HLA-DRB1: variants seen among roughly 807,000 people sequenced by gnomAD.
HLA-DRB1 encodes major histocompatibility complex, class II, DR beta 1 precursor.
In HLA-DRB1, 10 loss-of-function variants were observed where a neutral mutation model predicts 27.9. The observed-to-expected ratio is 0.36, with a 90% CI of 0.22 to 0.61. The LOEUF (loss-of-function observed/expected upper bound fraction) is 0.61, where lower values mean the gene tolerates loss of function less well. Ranked by LOEUF, HLA-DRB1 falls within the 20% of genes least tolerant of loss-of-function variation. The pLI, the probability that HLA-DRB1 is intolerant of heterozygous loss-of-function variation, is 0.73. For synonymous variants in HLA-DRB1, 57 were observed against 126.7 expected, an observed-to-expected ratio of 0.45 and a Z score of 3.69; for missense variants, 118 against 306.3, an observed-to-expected ratio of 0.39 and a Z score of 4.59.
chr6:32,582,849 ACT>A (rs772172351), intron 2 of HLA-DRB1, among the ~76,000 whole-genome samples: 294 of 67,596 alleles, frequency 4.3e-3, no homozygotes, highest in Middle Eastern at 7.2e-3. Context: ...ACACTAGCAT[ACT>A]CTCAATAAAT....
chr6:32,589,456 T>C (rs1331051675), intron 1 of HLA-DRB1, among the ~76,000 whole-genome samples, 187 bp downstream of exon 1: 16,331 of 87,072 alleles, frequency 0.19, 1,551 homozygotes, highest in East Asian at 0.26. Flanking sequence ...CTTACACAAG[T>C]CTCATGAAGA....
At chr6:32,581,309 C>T (rs34693420) in intron 3 of HLA-DRB1, among the ~76,000 whole-genome samples, 1,367 of 87,934 alleles carry the variant, frequency 0.016, no homozygotes, top group Middle Eastern at 0.034. Flanking sequence ...TGACCCTGAC[C>T]TGCAAAATCA....
At position 32,580,626 on chromosome 6, in the gene HLA-DRB1, G is replaced by A. The variant is rs28732275; in HGVS notation, c.763+120C>T. ...TCTGGATTAGCAGGACATTAGAGCC[G>A]TTTGGGGAAAGAAAGGCTTTATTCA... On this transcript the variant is annotated intron_variant, in intron 4 of 5. Coordinates refer to ENST00000360004, the Ensembl canonical transcript of HLA-DRB1. 4,692 of 721,690 alleles carry A rather than the reference G, an allele frequency of 6.5e-3. 87 individuals carry two copies. The highest frequency in any genetic ancestry group is 0.024 in the South Asian group (1,379 of 56,720). 44.7% of individuals were successfully genotyped at this position (721,690 alleles called of 1,614,324 possible). A position where few individuals can be genotyped will look rare whatever the true frequency, so the allele number is the denominator to read the frequency against.
intron 3 of HLA-DRB1, among the ~76,000 whole-genome samples, chr6:32,581,336 A>ACTGATTCCACAGG (rs1775446331): frequency 2.2e-5 from 2 of 92,950 alleles, no homozygotes; most frequent in Non-Finnish European, 4.3e-5. Context: ...GGTTCAAAAG[A>ACTGATTCCACAGG]GGGACAGTCT....
intron 1 of HLA-DRB1, among the ~76,000 whole-genome samples, chr6:32,585,555 G>A (rs9270030): frequency 2.4e-4 from 31 of 128,880 alleles, no homozygotes; most frequent in African/African-American, 6.2e-4. Context: ...TCCTATAACT[G>A]CAGCTCATAT....
chr6:32,584,353 C>CGTAGAGTA lies in HLA-DRB1; in HGVS notation c.125_126insTACTCTAC (p.Arg42SerfsTer41), dbSNP rs768015363. On this transcript the variant is annotated frameshift_variant, in exon 2 of 6. Transcript: ENST00000360004. LOFTEE classifies it high-confidence loss of function. ...CCGTCCCATTGAAGAAATGACACTC[C>CGTAGAGTA]CTCTTAGGCTGCCACAGGAAACGTG... 1.7e-4 allele frequency: 146 copies of CGTAGAGTA among 838,114 alleles called. 12 individuals carry two copies. Among genetic ancestry groups the CGTAGAGTA allele is most frequent in the Non-Finnish European group, 2.3e-4 (124 of 545,876 alleles). 51.9% of individuals were successfully genotyped at this position (838,114 alleles called of 1,614,324 possible).
At position 32,589,826 on chromosome 6, in the gene HLA-DRB1, C is replaced by T. The variant is rs1404458062; in HGVS notation, c.-84G>A. ...ACTATGAACCCCTCCACCCACATTC[C>T]AAGTTATAGGGAGGAAGTTACTGAT... is the stretch of plus-strand genomic sequence containing the variant. On this transcript the variant is annotated 5_prime_UTR_variant, in exon 1 of 6. Coordinates refer to ENST00000360004, the Ensembl canonical transcript of HLA-DRB1. The T allele has an allele frequency of 4.4e-5, 21 of 475,714 alleles. 4 individuals carry two copies. The highest frequency in any genetic ancestry group is 9.1e-5 in the Admixed American group (2 of 22,062). 29.5% of individuals were successfully genotyped at this position (475,714 alleles called of 1,614,324 possible).
At chr6:32,587,984 C>T (rs9270177) in intron 1 of HLA-DRB1, among the ~76,000 whole-genome samples, 5,469 of 123,454 alleles carry the variant, frequency 0.044, 67 homozygotes, top group East Asian at 0.095. Context: ...TGTAGGGATC[C>T]TGGAAAGCAA....
chr6:32,584,963 G>A (rs9270000), intron 1 of HLA-DRB1, among the ~76,000 whole-genome samples: 21,148 of 55,542 alleles, frequency 0.38, 8,700 homozygotes, highest in Admixed American at 0.43. Context: ...GCGTTCTAGA[G>A]CAGAGAATAA....
intron 2 of HLA-DRB1, among the ~76,000 whole-genome samples, chr6:32,582,275 A>G (rs1035532348): frequency 0.17 from 16,686 of 98,336 alleles, no homozygotes; most frequent in East Asian, 0.23. Flanking sequence ...TTGGGGTTAT[A>G]TGAGGATTAA....
chr6:32,587,923 G>A (rs35157992), intron 1 of HLA-DRB1, among the ~76,000 whole-genome samples: 14,674 of 141,344 alleles, frequency 0.1, 10 homozygotes, highest in Admixed American at 0.17. Context: ...TAGCTGCTGA[G>A]AAAAATAAGT....
At position 32,584,608 on chromosome 6, in the gene HLA-DRB1, C is replaced by T. The variant is rs1776115623; in HGVS notation, c.101-230G>A. ...CCTTCTCATCCCCAGGCTTTTGGGACCCCCTCCCTGCCTCCAGCCTGTTCT... is the reference window on the plus strand; with the variant it reads ...CCTTCTCATCCCCAGGCTTTTGGGATCCCCTCCCTGCCTCCAGCCTGTTCT... On this transcript the variant is annotated intron_variant, in intron 1 of 5. Coordinates refer to ENST00000360004, the Ensembl canonical transcript of HLA-DRB1. 9.5e-5 allele frequency among the ~76,000 whole-genome samples: 7 copies of T among 73,626 alleles called. No homozygotes were observed. In the Admixed American group the frequency reaches 9.7e-4, roughly 10 times the overall value. The allele number at this position is 73,626 out of a possible 152,430, so 48.3% of individuals were successfully genotyped here.
At chr6:32,579,055 G>A (rs36217728) in exon 6 of HLA-DRB1, 167,950 of 644,040 alleles carry the variant, frequency 0.26, 61,691 homozygotes, top group Admixed American at 0.31. Flanking sequence ...CAAAGCCGGG[G>A]CAGAAAGTTC....
At chr6:32,588,923 A>G (rs35572663) in intron 1 of HLA-DRB1, among the ~76,000 whole-genome samples, 14,617 of 99,552 alleles carry the variant, frequency 0.15, 1,590 homozygotes, top group East Asian at 0.21. Context: ...AACCTGGGCT[A>G]GTTTTTCAGA....
exon 2 of HLA-DRB1, chr6:32,584,162 G>C: frequency 1.7e-6 from 2 of 1,152,388 alleles, no homozygotes; most frequent in Non-Finnish European, 1.2e-6. Context: ...TCTGCAGTAG[G>C]TGTCCACCGC....
In HLA-DRB1 at chr6:32,579,286, A is replaced by G. The variant is rs71540434; in HGVS notation, c.788-182T>C. Among the ~76,000 whole-genome samples the G allele has an allele frequency of 7.9e-3, 592 of 74,754 alleles. 28 individuals are homozygous for G. The highest frequency in any genetic ancestry group is 0.024 in the South Asian group (54 of 2,240). 49.0% of individuals were successfully genotyped at this position (74,754 alleles called of 152,430 possible). ...AAGTGGAGAGGAGGAATTTTGGTGT[A>G]AATTGCCTGATCAGAAATTTGGATC... On this transcript the variant is annotated intron_variant, in intron 5 of 5. Coordinates refer to ENST00000360004, the Ensembl canonical transcript of HLA-DRB1.
chr6:32,588,798 A>T (rs1312096310), intron 1 of HLA-DRB1, among the ~76,000 whole-genome samples: 2 of 65,396 alleles, frequency 3.1e-5, no homozygotes, highest in African/African-American at 1.2e-4. Context: ...TAAAAAATAG[A>T]ATTTCATATA....
exon 6 of HLA-DRB1, chr6:32,579,051 C>T (rs1064697): frequency 0.49 from 255,584 of 517,168 alleles, 107,934 homozygotes; most frequent in Admixed American, 0.65. Flanking sequence ...CCTGCAAAGC[C>T]GGGGCAGAAA....
intron 1 of HLA-DRB1, among the ~76,000 whole-genome samples, chr6:32,589,215 G>T (rs9270247): frequency 0.012 from 1,105 of 94,346 alleles, 2 homozygotes; most frequent in Middle Eastern, 0.021. Flanking sequence ...GTCCTGTGGG[G>T]AACCTAACAC....
Sources: gnomAD v4.1 joint callset for allele counts (sites outside exome capture counted in the v4.1 genomes callset) on GRCh38, gnomAD v4.1.1 for gene constraint, MANE v1.5 for transcripts, NCBI Gene and HGNC (gene_info 2026-07-23, HGNC 2026-07-21) for gene names.